BRAF: variants seen among roughly 807,000 people sequenced by gnomAD.
BRAF encodes B-Raf proto-oncogene, serine/threonine kinase.
Under a neutral mutation model 104.6 loss-of-function variants are expected in BRAF, and 16 were observed. The observed-to-expected ratio is 0.15, with a 90% CI of 0.10 to 0.23. The LOEUF (loss-of-function observed/expected upper bound fraction) is 0.23, where lower values mean the gene tolerates loss of function less well. Among genes scored for constraint, BRAF ranks in the 10% least tolerant of loss-of-function variants. The pLI, the probability that BRAF is intolerant of heterozygous loss-of-function variation, is 1.00. For synonymous variants in BRAF, 310 were observed against 341.6 expected (o/e 0.91, Z 1.02); for missense variants, 541 against 937.3 (o/e 0.58, Z 5.52).
intron 9 of BRAF, among the ~76,000 whole-genome samples, chr7:140,786,956 C>T (rs990470521): frequency 2.6e-5 from 4 of 152,136 alleles, no homozygotes; most frequent in East Asian, 1.9e-4. Context: ...TGAACGTGTC[C>T]GATCTTGTCT....
At chr7:140,825,245 G>T (rs914226891) in intron 3 of BRAF, among the ~76,000 whole-genome samples, 1 of 152,086 alleles carries the variant, frequency 6.6e-6, no homozygotes, top group African/African-American at 2.4e-5. Flanking sequence ...TGGGATTACA[G>T]GCATGAGCCT....
intron 14 of BRAF, among the ~76,000 whole-genome samples, chr7:140,768,799 G>T (rs1586088362): frequency 6.6e-6 from 1 of 151,844 alleles, no homozygotes; most frequent in African/African-American, 2.4e-5. Context: ...ACCTGGCCAG[G>T]AGTGACTTCT....
chr7:140,872,455 A>G (rs982676893), intron 1 of BRAF, among the ~76,000 whole-genome samples: 19 of 152,274 alleles, frequency 1.2e-4, no homozygotes, highest in African/African-American at 4.6e-4. Context: ...GAGAAATTTT[A>G]TGAGAATTAA....
intron 2 of BRAF, among the ~76,000 whole-genome samples, chr7:140,837,871 ATCTACAAAATTC>A (rs1184260201): frequency 8.5e-5 from 13 of 152,202 alleles, no homozygotes; most frequent in Non-Finnish European, 5.9e-5. Context: ...CTACTTCTTT[ATCTACAAAATTC>A]TCCACATCTT....
intron 2 of BRAF, among the ~76,000 whole-genome samples, chr7:140,836,399 G>C (rs1807344517): frequency 6.6e-6 from 1 of 152,086 alleles, no homozygotes; most frequent in Non-Finnish European, 1.5e-5. Flanking sequence ...ATTATAAAAT[G>C]TAGAGGAGAA....
intron 1 of BRAF, among the ~76,000 whole-genome samples, chr7:140,861,386 A>T (rs1810398235): frequency 6.6e-6 from 1 of 152,210 alleles, no homozygotes; most frequent in Non-Finnish European, 1.5e-5. Context: ...AGGTGGCATA[A>T]ATAGGAACAG....
At chr7:140,810,899 G>A (rs1331169904) in intron 3 of BRAF, among the ~76,000 whole-genome samples, 1 of 152,212 alleles carries the variant, frequency 6.6e-6, no homozygotes, top group Non-Finnish European at 1.5e-5. Context: ...ATCCTGGGCA[G>A]AGCCTATTTG....
Position 140,809,003 on chromosome 7 carries a change from A to T in BRAF, c.505-8T>A, listed in dbSNP as rs1349113458. The T allele has an allele frequency of 6.3e-7, 1 of 1,597,556 alleles. No homozygotes were observed. The highest frequency in any genetic ancestry group is 8.6e-7 in the Non-Finnish European group (1 of 1,165,396). The stretch of plus-strand genomic sequence containing the variant: ...TCCACACCTTGCAGGTACCTATGGT[A>T]TCATAAATATATTGATAAGAGGTAA... On this transcript the variant is annotated splice_polypyrimidine_tract_variant and splice_region_variant and intron_variant, in intron 3 of 19. Transcript: ENST00000644969.
intron 14 of BRAF, among the ~76,000 whole-genome samples, chr7:140,755,595 T>A (rs1361428810): frequency 2.0e-5 from 3 of 152,204 alleles, no homozygotes; most frequent in Non-Finnish European, 4.4e-5. Flanking sequence ...TAGCATTTAC[T>A]ACAATTGAAA....
At chr7:140,773,252 A>T (rs1308588611) in intron 14 of BRAF, 1 of 152,132 alleles carries the variant, frequency 6.6e-6, no homozygotes, top group African/African-American at 2.4e-5. Flanking sequence ...TACTTAGACT[A>T]AGTGAGGGAC....
intron 3 of BRAF, chr7:140,834,001 A>G (rs1807061197): frequency 2.6e-5 from 4 of 152,302 alleles, no homozygotes; most frequent in Non-Finnish European, 5.9e-5. Context: ...TGTCAAAAGT[A>G]ACCACAGACA....
In BRAF at chr7:140,737,497, C is replaced by T. The variant is rs976221369; in HGVS notation, c.2247+2315G>A. Among the ~76,000 whole-genome samples, 13 of 152,262 alleles carry T rather than the reference C, an allele frequency of 8.5e-5. 1 individual carries two copies. The highest frequency in any genetic ancestry group is 7.8e-4 in the Admixed American group (12 of 15,294). On this transcript the variant is annotated intron_variant, in intron 18 of 19. Coordinates refer to ENST00000644969, the MANE Select transcript of BRAF (RefSeq NM_001374258.1). ...GAATCACCTGTTCATATTCCCTTTGCCCATTTTCTATTGTTTGTTACTTAT... is the reference window on the plus strand; with the variant it reads ...GAATCACCTGTTCATATTCCCTTTGTCCATTTTCTATTGTTTGTTACTTAT...
At chr7:140,781,326 C>A (rs1406657702) in intron 12 of BRAF, 8 of 495,896 alleles carry the variant, frequency 1.6e-5, no homozygotes, top group Non-Finnish European at 2.5e-5. Context: ...CTTTTGAGGA[C>A]TAGTTAACCT....
intron 14 of BRAF, among the ~76,000 whole-genome samples, chr7:140,765,073 A>G (rs1403262819): frequency 6.6e-6 from 1 of 152,148 alleles, no homozygotes; most frequent in Admixed American, 6.5e-5. Context: ...AGTAACCAAA[A>G]CAGCATGGTA....
intron 1 of BRAF, among the ~76,000 whole-genome samples, chr7:140,904,597 A>T (rs1816084320): frequency 6.6e-6 from 1 of 151,910 alleles, no homozygotes; most frequent in Non-Finnish European, 1.5e-5. Flanking sequence ...TTCCATTGTG[A>T]TTTCTTCTTT....
In BRAF at chr7:140,796,803, A is replaced by G. The variant is rs537803185; in HGVS notation, c.981-2336T>C. On this transcript the variant is annotated intron_variant, in intron 7 of 19. Coordinates refer to ENST00000644969, the MANE Select transcript of BRAF (RefSeq NM_001374258.1). ...ATGTCCTAATTCTATGCTTAACGAA[A>G]ACAGTCTTCTGATTATAATTTGATT... 2.0e-5 allele frequency among the ~76,000 whole-genome samples: 3 copies of G among 152,322 alleles called. No homozygotes were observed. In the South Asian group the frequency reaches 6.2e-4, roughly 32 times the overall value.
chr7:140,739,684 T>G lies in BRAF; in HGVS notation c.2247+128A>C. Reference sequence around the variant, plus strand: ...CCCTCATGAAGCCATCTTAATGTGTTTTCTTGTCTGGAGTCTGCACATAGA... The same window carrying G: ...CCCTCATGAAGCCATCTTAATGTGTGTTCTTGTCTGGAGTCTGCACATAGA... On this transcript the variant is annotated intron_variant, in intron 18 of 19. Transcript: ENST00000644969. 8.9e-6 allele frequency: 10 copies of G among 1,120,428 alleles called. No individual in the cohort carries two copies. The South Asian group carries it at 1.4e-4, about 15-fold the overall frequency. 69.4% of individuals were successfully genotyped at this position (1,120,428 alleles called of 1,614,324 possible). A position where few individuals can be genotyped will look rare whatever the true frequency, so the allele number is the denominator to read the frequency against.
intron 3 of BRAF, among the ~76,000 whole-genome samples, chr7:140,821,582 A>C (rs1805494485): frequency 6.6e-6 from 1 of 152,038 alleles, no homozygotes; most frequent in Non-Finnish European, 1.5e-5. Flanking sequence ...GGCAAAAAAC[A>C]ACAGATGCTG....
intron 3 of BRAF, among the ~76,000 whole-genome samples, chr7:140,832,379 G>A (rs1456646804): frequency 6.6e-6 from 1 of 152,186 alleles, no homozygotes; most frequent in Non-Finnish European, 1.5e-5. Flanking sequence ...TATCCTGGCT[G>A]AGAAGATGTA....
Sources: gnomAD v4.1 joint callset for allele counts (sites outside exome capture counted in the v4.1 genomes callset) on GRCh38, gnomAD v4.1.1 for gene constraint, MANE v1.5 for transcripts, NCBI Gene and HGNC (gene_info 2026-07-23, HGNC 2026-07-21) for gene names.